Variants in PLCB3 observed in about 807,000 individuals in gnomAD.
The protein encoded by PLCB3 is phospholipase C beta 3.
In PLCB3, 54 loss-of-function variants were observed where a neutral mutation model predicts 152.1. The observed-to-expected ratio is 0.36, with a 90% CI of 0.29 to 0.45. PLCB3 has a LOEUF of 0.45. Ranked by LOEUF, PLCB3 falls within the 20% of genes least tolerant of loss-of-function variation. PLCB3 has a pLI of 1.00. For missense variants in PLCB3, 1,248 were observed against 1,687.5 expected (o/e 0.74, Z 4.56); for synonymous variants, 717 against 698.7 (o/e 1.03, Z -0.41).
rs139420290 is a variant in PLCB3 at position 64,262,459 on chromosome 11, G to A, written c.2091G>A (p.Gly697=). The A allele has an allele frequency of 1.5e-4, 243 of 1,613,922 alleles. No homozygotes were observed. The African/African-American group carries it at 2.6e-3, about 17-fold the overall frequency. Residue 697 remains glycine (G), a synonymous_variant, in exon 18 of 31, where the codon GGG becomes GGA. Coordinates refer to ENST00000279230, the MANE Select transcript of PLCB3 (RefSeq NM_000932.5). ...TTTTTGAGTACAACGGGCGCAGCGG[G>A]TACCTGCTCAAGCCGGAGTTCATGC... ...AGVFEYNGRS[G]YLLKPEFMRR...
At position 64,258,738 on chromosome 11, in the gene PLCB3, C is replaced by A. The variant is rs1294101051; in HGVS notation, c.1253+25C>A. 6.2e-7 allele frequency: 1 copy of A among 1,612,196 alleles called. No individual in the cohort carries two copies. The highest frequency in any genetic ancestry group is 8.5e-7 in the Non-Finnish European group (1 of 1,178,926). On this transcript the variant is annotated intron_variant, in intron 11 of 30. Coordinates refer to ENST00000279230, the MANE Select transcript of PLCB3 (RefSeq NM_000932.5). The surrounding 1 kb of genome is among the most constrained non-coding windows in gnomAD (Gnocchi z 7.2). ...CGTGAGTGAGCCCCTGGCATGAAAC[C>A]CCATGGACCGGGGGACAGTCTTCCA...
intron 13 of PLCB3, 68 bp from the exon 14 acceptor site, chr11:64,259,961 A>G (rs2031756702): frequency 7.3e-7 from 1 of 1,365,142 alleles, no homozygotes; most frequent in Non-Finnish European, 1.0e-6. Flanking sequence ...CACTGGGAAA[A>G]ACCCCTCCAG....
At chr11:64,257,219 G>A (rs1206057112) in intron 10 of PLCB3, among the ~76,000 whole-genome samples, 2 of 152,114 alleles carry the variant, frequency 1.3e-5, no homozygotes, top group Non-Finnish European at 2.9e-5. Flanking sequence ...GGTCAGGCTG[G>A]TCTCAAACTC....
At chr11:64,260,867 T>A (rs2031812865) in intron 14 of PLCB3, among the ~76,000 whole-genome samples, 1 of 151,522 alleles carries the variant, frequency 6.6e-6, no homozygotes, top group African/African-American at 2.4e-5. Flanking sequence ...TTAGATAATA[T>A]GTTAATGTTT....
chr11:64,254,556 C>T, intron 2 of PLCB3, 64 bp downstream of exon 2: 1 of 1,525,802 alleles, frequency 6.6e-7, no homozygotes, highest in Non-Finnish European at 9.1e-7. Context: ...CCCTGCCCTG[C>T]CCGTGGGGGT....
Position 64,266,241 on chromosome 11 carries a change from T to C in PLCB3, c.3266+39T>C. 15 of 1,613,788 alleles carry C rather than the reference T, an allele frequency of 9.3e-6. No homozygotes were observed. The highest frequency in any genetic ancestry group is 1.3e-5 in the Non-Finnish European group (15 of 1,179,878). On this transcript the variant is annotated intron_variant, in intron 27 of 30. Transcript: ENST00000279230. This position sits in a 1 kb window ranked among gnomAD's most constrained non-coding sequence, Gnocchi z 4.9. ...ATTGTCTATGGGAAGGGCTGGGGAC[T>C]TCTAGTACCAGAAGGAGGGCAGAGT...
intron 25 of PLCB3, among the ~76,000 whole-genome samples, 180 bp from the exon 26 acceptor site, chr11:64,265,706 G>A (rs535347533): frequency 3.8e-4 from 58 of 152,328 alleles, no homozygotes; most frequent in African/African-American, 1.4e-3. Context: ...TGAGGAGCAT[G>A]TTGCCCAAAC....
rs1349119605 is a variant in PLCB3, at chr11:64,256,682, G to A, written c.930G>A (p.Leu310=). The A allele has an allele frequency of 1.2e-6, 2 of 1,614,104 alleles. No individual in the cohort carries two copies. The highest frequency in any genetic ancestry group is 1.7e-6 in the Non-Finnish European group (2 of 1,180,042). The change falls in exon 10 of 31, where the codon CTG becomes CTA. Residue 310 remains leucine (L), a synonymous_variant. Coordinates refer to ENST00000279230, the MANE Select transcript of PLCB3 (RefSeq NM_000932.5). ...GCGAGGAGAATGGCATCCTGCCCCT[G>A]GAAGCCCTGGATCTGAGCACGGACA... ...LGGEENGILP[L]EALDLSTDMT... is the part of the protein sequence containing the mutation.
chr11:64,264,915 C>T, intron 22 of PLCB3, 36 bp from the exon 23 acceptor site: 1 of 1,609,828 alleles, frequency 6.2e-7, no homozygotes, highest in Admixed American at 1.7e-5. Flanking sequence ...GAGGGAACAG[C>T]ATTTCTGAAA....
In PLCB3 at chr11:64,262,705, T is replaced by C. The variant is rs1001241446; in HGVS notation, c.2252T>C (p.Met751Thr). Residue 751 changes from methionine to threonine, a missense_variant, in exon 19 of 31, where the codon ATG becomes ACG. This residue lies in a region of PLCB3 where 244 missense variants were observed against 424.4 expected (regional missense o/e 0.57). Transcript: ENST00000279230. ...GTGGGCATCTACGTGGAGGTGGACA[T>C]GTTTGGCCTCCCTGTTGATACGCGG... is the stretch of plus-strand genomic sequence containing the variant. ...RKVGIYVEVDMFGLPVDTRRK... is the reference protein window; with the variant it reads ...RKVGIYVEVDTFGLPVDTRRK... The C allele has an allele frequency of 6.2e-7, 1 of 1,613,892 alleles. No individual in the cohort carries two copies. The highest frequency in any genetic ancestry group is 8.5e-7 in the Non-Finnish European group (1 of 1,180,000).
chr11:64,261,032 G>C (rs2031821679), intron 14 of PLCB3, among the ~76,000 whole-genome samples: 1 of 152,184 alleles, frequency 6.6e-6, no homozygotes, highest in African/African-American at 2.4e-5. Context: ...GGCCAGGCGA[G>C]GTGGCTCATG....
chr11:64,263,886 C>T, intron 21 of PLCB3, 91 bp downstream of exon 21: 4 of 1,229,054 alleles, frequency 3.3e-6, no homozygotes, highest in Non-Finnish European at 4.8e-6. Context: ...GCTGGATGGC[C>T]CCGACTGAGT....
At chr11:64,257,349 TC>T (rs1170274161) in intron 10 of PLCB3, among the ~76,000 whole-genome samples, 1 of 152,092 alleles carries the variant, frequency 6.6e-6, no homozygotes, top group Non-Finnish European at 1.5e-5. Flanking sequence ...GTGCGGTGAC[TC>T]ATGCCTGTAA....
In PLCB3 at chr11:64,262,414, G is replaced by C. The variant is rs2031898370; in HGVS notation, c.2046G>C (p.Ala682=). Residue 682 remains alanine (A), a synonymous_variant, in exon 18 of 31, where the codon GCG becomes GCC. Coordinates refer to ENST00000279230, the MANE Select transcript of PLCB3 (RefSeq NM_000932.5). ...VALNFQTLDV[A]MQLNAGVFEY... Reference sequence around the variant, plus strand: ...GTGCCCGTGGCACCCCAGATGTGGCGATGCAGCTCAACGCGGGCGTTTTTG... The same window carrying C: ...GTGCCCGTGGCACCCCAGATGTGGCCATGCAGCTCAACGCGGGCGTTTTTG... 9 of 1,612,180 alleles carry C rather than the reference G, an allele frequency of 5.6e-6. No homozygotes were observed. The highest frequency in any genetic ancestry group is 7.6e-6 in the Non-Finnish European group (9 of 1,178,744).
Position 64,267,887 on chromosome 11 carries a change from G to T in PLCB3, c.*331G>T, listed in dbSNP as rs1229296297. On this transcript the variant is annotated 3_prime_UTR_variant, in exon 31 of 31. Coordinates refer to ENST00000279230, the MANE Select transcript of PLCB3 (RefSeq NM_000932.5). This position sits in a 1 kb window ranked among gnomAD's most constrained non-coding sequence, Gnocchi z 5.2. ...TCACATTTTTTTCTCTATTCTTTGG[G>T]GATTTTTTTTACATGAATAAAAGTG... is the stretch of plus-strand genomic sequence containing the variant. The T allele has an allele frequency of 1.3e-5, 4 of 310,722 alleles. No homozygotes were observed. The South Asian group carries it at 2.6e-4, about 20-fold the overall frequency. The allele number at this position is 310,722 out of a possible 1,614,324, so 19.2% of individuals were successfully genotyped here.
In PLCB3 at chr11:64,258,515, A is replaced by G; in HGVS notation, c.1055A>G (p.Gln352Arg). Residue 352 changes from glutamine (Q) to arginine (R), a missense_variant, in exon 11 of 31, where the codon CAG (glutamine) becomes CGG (arginine). Physicochemically the swap from Gln to Arg is conservative, Grantham distance 43 (BLOSUM62 1). Coordinates refer to ENST00000279230, the MANE Select transcript of PLCB3 (RefSeq NM_000932.5). The surrounding 1 kb of genome is among the most constrained non-coding windows in gnomAD (Gnocchi z 7.2). The stretch of plus-strand genomic sequence containing the variant: ...ACCTCGTCGGTGGAGATGTACCGCC[A>G]GGCACTACTATGGGGCTGCCGCTGC... ...AGTSSVEMYR[Q>R]ALLWGCRCVE... The G allele has an allele frequency of 1.2e-6, 2 of 1,613,714 alleles. No individual in the cohort carries two copies. The highest frequency in any genetic ancestry group is 1.7e-6 in the Non-Finnish European group (2 of 1,179,902).
intron 16 of PLCB3, 119 bp downstream of exon 16, chr11:64,261,784 T>C: frequency 7.1e-7 from 1 of 1,412,372 alleles, no homozygotes; most frequent in South Asian, 1.2e-5. Flanking sequence ...GCGGCCCTCC[T>C]GCACCCTGGC....
At chr11:64,259,326 G>C in intron 13 of PLCB3, 82 bp downstream of exon 13, 2 of 1,166,140 alleles carry the variant, frequency 1.7e-6, no homozygotes, top group Non-Finnish European at 2.3e-6. Flanking sequence ...CTTCATCCCA[G>C]ACCCCCAGCC....
intron 13 of PLCB3, among the ~76,000 whole-genome samples, chr11:64,259,669 C>A (rs2031740113): frequency 6.6e-6 from 1 of 152,132 alleles, no homozygotes; most frequent in South Asian, 2.1e-4. Flanking sequence ...CACTATGCCC[C>A]CTCCTTAGAC....
Sources: allele counts gnomAD v4.1 joint callset (sites outside exome capture counted in the v4.1 genomes callset), GRCh38; gene constraint gnomAD v4.1.1; regional missense constraint gnomAD v4.1.1; non-coding constraint Gnocchi (gnomAD v3.1); transcripts MANE v1.5; gene names NCBI Gene and HGNC (gene_info 2026-07-23, HGNC 2026-07-21).